OC90: variants seen among roughly 807,000 people sequenced by gnomAD.
OC90 encodes otoconin 90.
A neutral mutation model predicts 47.3 loss-of-function variants in OC90; 46 were observed. That is an observed-to-expected ratio of 0.97 (90% CI 0.77 to 1.24). The LOEUF (loss-of-function observed/expected upper bound fraction) is 1.24. OC90 is among the 50% of genes most tolerant of loss of function. The pLI is 0.00. For missense variants in OC90, 688 were observed against 583.9 expected, an observed-to-expected ratio of 1.18 and a Z score of -1.84; for synonymous variants, 271 against 219.5, an observed-to-expected ratio of 1.23 and a Z score of -2.07.
At chr8:132,027,018 C>T (rs1822769357) in intron 13 of OC90, among the ~76,000 whole-genome samples, 1 of 152,132 alleles carries the variant, frequency 6.6e-6, no homozygotes, top group Non-Finnish European at 1.5e-5. Context: ...TTTCCCTTTG[C>T]TTGGAATATC....
At chr8:132,034,856 C>T in intron 9 of OC90, 22 bp from the exon 10 acceptor site, 1 of 1,601,520 alleles carries the variant, frequency 6.2e-7, no homozygotes, top group Non-Finnish European at 8.6e-7. Flanking sequence ...AGAAGAGAGA[C>T]AGCATGAGCA....
chr8:132,025,605 A>AG (rs1414210050), intron 13 of OC90, among the ~76,000 whole-genome samples: 2 of 152,206 alleles, frequency 1.3e-5, no homozygotes, highest in African/African-American at 4.8e-5. Context: ...GAAAAGATTG[A>AG]GGGAAAAAGA....
chr8:132,050,696 C>G (rs1480981205), intron 2 of OC90, among the ~76,000 whole-genome samples: 1 of 152,094 alleles, frequency 6.6e-6, no homozygotes, highest in Non-Finnish European at 1.5e-5. Context: ...CAAAATGACT[C>G]AATGTATACA....
intron 9 of OC90, among the ~76,000 whole-genome samples, chr8:132,036,775 A>C (rs566802927): frequency 6.6e-6 from 1 of 152,252 alleles, no homozygotes; most frequent in African/African-American, 2.4e-5. Context: ...TAGACAATTC[A>C]TCTCTGAATC....
rs1390905332 is a variant in OC90, at chr8:132,041,054, C to A, written c.447G>T (p.Lys149Asn). Residue 149 changes from lysine (K) to asparagine (N), a missense_variant, in exon 6 of 14, where the codon AAG (lysine) becomes AAT (asparagine). Coordinates refer to ENST00000254627, the MANE Select transcript of OC90 (RefSeq NM_001080399.3). ...CCTGGAGATGCTTACCACATATGAT[C>A]TTCTTGCTGACACAATTGACCTCTG... ...LSTEVNCVSK[K>N]IICESKDNCE... 1.3e-6 allele frequency: 2 copies of A among 1,592,470 alleles called. No individual in the cohort carries two copies. Among genetic ancestry groups the A allele is most frequent in the Admixed American group, 1.7e-5 (1 of 59,988 alleles).
intron 2 of OC90, among the ~76,000 whole-genome samples, chr8:132,052,545 C>T (rs1161906311): frequency 6.6e-6 from 1 of 152,218 alleles, no homozygotes; most frequent in African/African-American, 2.4e-5. Flanking sequence ...CACACTCACA[C>T]TTACTTTCAG....
At position 132,041,074 on chromosome 8, in the gene OC90, C is replaced by A. The variant is rs780944165; in HGVS notation, c.427G>T (p.Val143Phe). ...ATGATCTTCTTGCTGACACAATTGA[C>A]CTCTGTGCTAAGTTTGGCGGGGTCT... Reference protein sequence around the residue: ...LQDPAKLSTEVNCVSKKIICE... With the variant: ...LQDPAKLSTEFNCVSKKIICE... Residue 143 changes from valine (V) to phenylalanine (F), a missense_variant, in exon 6 of 14, where the codon GTC becomes TTC. Transcript: ENST00000254627. 6.2e-7 allele frequency: 1 copy of A among 1,611,864 alleles called. No homozygotes were observed. The highest frequency in any genetic ancestry group is 8.5e-7 in the Non-Finnish European group (1 of 1,177,924).
At chr8:132,042,758 C>G (rs2130859412) in intron 4 of OC90, among the ~76,000 whole-genome samples, 1 of 152,144 alleles carries the variant, frequency 6.6e-6, no homozygotes, top group East Asian at 1.9e-4. Context: ...ATTAAAAAAT[C>G]AAAAAACAAC....
chr8:132,036,055 C>G (rs1467286139), intron 9 of OC90, among the ~76,000 whole-genome samples: 1 of 152,138 alleles, frequency 6.6e-6, no homozygotes, highest in Non-Finnish European at 1.5e-5. Flanking sequence ...TAGGTTAACT[C>G]TGCTGATGAA....
chr8:132,044,583 C>T (rs1358305967), intron 3 of OC90, 94 bp from the exon 4 acceptor site: 8 of 716,672 alleles, frequency 1.1e-5, no homozygotes, highest in African/African-American at 1.8e-5. Flanking sequence ...TAAAACCTTT[C>T]TTCATTCTCC....
At chr8:132,038,433 A>G (rs555013302) in intron 8 of OC90, among the ~76,000 whole-genome samples, 1 of 152,082 alleles carries the variant, frequency 6.6e-6, no homozygotes, top group Non-Finnish European at 1.5e-5. Flanking sequence ...TAGTTAGGAG[A>G]GACTTCACTC....
At chr8:132,052,122 C>T (rs1464524693) in intron 2 of OC90, among the ~76,000 whole-genome samples, 1 of 152,086 alleles carries the variant, frequency 6.6e-6, no homozygotes, top group Non-Finnish European at 1.5e-5. Flanking sequence ...GGTTCCAGTG[C>T]CAGCCATGTA....
chr8:132,029,008 T>G, intron 13 of OC90, 65 bp downstream of exon 13: 2 of 1,105,396 alleles, frequency 1.8e-6, no homozygotes, highest in Non-Finnish European at 2.8e-6. Context: ...TCCACAAGTC[T>G]GAGCTACAGT....
chr8:132,045,613 T>C (rs1823120641), intron 3 of OC90, among the ~76,000 whole-genome samples: 1 of 152,210 alleles, frequency 6.6e-6, no homozygotes, highest in Admixed American at 6.5e-5. Flanking sequence ...ATTTTTAGAC[T>C]TTGTCTCAGT....
At chr8:132,037,397 T>C (rs903031316) in intron 9 of OC90, 41 bp downstream of exon 9, 41 of 1,527,032 alleles carry the variant, frequency 2.7e-5, no homozygotes, top group African/African-American at 4.1e-5. Flanking sequence ...CCCACTCTCA[T>C]TGTGTGTCTT....
intron 9 of OC90, 148 bp downstream of exon 9, chr8:132,037,290 G>T: frequency 1.4e-6 from 1 of 690,324 alleles, no homozygotes; most frequent in South Asian, 1.7e-5. Flanking sequence ...TCATGGGGAT[G>T]GATTTCTCAT....
At chr8:132,029,809 C>A (rs987222636) in intron 12 of OC90, among the ~76,000 whole-genome samples, 1 of 151,866 alleles carries the variant, frequency 6.6e-6, no homozygotes, top group Non-Finnish European at 1.5e-5. Context: ...TATCCAGTGT[C>A]CCCCCTTGCC....
chr8:132,056,963 T>C (rs980038938), intron 1 of OC90, among the ~76,000 whole-genome samples: 6 of 152,200 alleles, frequency 3.9e-5, no homozygotes, highest in African/African-American at 1.2e-4. Context: ...GATGAGATCA[T>C]TGAGGTTTAG....
rs755462807 is a variant in OC90, at chr8:132,044,489, T to C, written c.113A>G (p.Asn38Ser). The change falls in exon 4 of 14, where the codon AAT (asparagine) becomes AGT (serine). Residue 38 changes from asparagine (N) to serine (S), a missense_variant and splice_region_variant. Physicochemically the swap from Asn to Ser is conservative, Grantham distance 46. Coordinates refer to ENST00000254627, the MANE Select transcript of OC90 (RefSeq NM_001080399.3). ...AAACATCCCACTGAAGAAAGTGATA[T>C]CTAAGTGTAAGAAAGAAAACAAATG... ...ELPPGLPNNI[N>S]ITFFSGMFKN... The C allele has an allele frequency of 6.5e-7, 1 of 1,531,124 alleles. No individual in the cohort carries two copies. The highest frequency in any genetic ancestry group is 8.9e-7 in the Non-Finnish European group (1 of 1,121,560). 94.8% of individuals were successfully genotyped at this position (1,531,124 alleles called of 1,614,324 possible).
Sources: gnomAD v4.1 joint callset for allele counts (sites outside exome capture counted in the v4.1 genomes callset) on GRCh38, gnomAD v4.1.1 for gene constraint, MANE v1.5 for transcripts, NCBI Gene and HGNC (gene_info 2026-07-23, HGNC 2026-07-21) for gene names.